Variants in NLRP5 observed in about 807,000 individuals in gnomAD.
The protein encoded by NLRP5 is NACHT, LRR and PYD domains-containing protein 5.
Under a neutral mutation model 113.1 loss-of-function variants are expected in NLRP5, and 93 were observed. That is an observed-to-expected ratio of 0.82 (90% CI 0.70 to 0.98). The LOEUF is 0.98. Ranked by LOEUF, NLRP5 falls within the 50% of genes least tolerant of loss-of-function variation. The pLI is 0.00. For missense variants in NLRP5, 1,808 were observed against 1,514.3 expected, an observed-to-expected ratio of 1.19 and a Z score of -3.22; for synonymous variants, 751 against 600.7, an observed-to-expected ratio of 1.25 and a Z score of -3.66.
At chr19:56,040,882 G>A in intron 10 of NLRP5, 40 bp from the exon 11 acceptor site, 1 of 1,554,872 alleles carries the variant, frequency 6.4e-7, no homozygotes, top group Admixed American at 1.8e-5. Context: ...ACTTTAAGAA[G>A]GCATCTCATC....
chr19:56,003,845 G>C lies in NLRP5; in HGVS notation c.192G>C (p.Gly64=), dbSNP rs1568480828. The C allele has an allele frequency of 6.2e-7, 1 of 1,613,934 alleles. No homozygotes were observed. Among genetic ancestry groups the C allele is most frequent in the East Asian group, 2.2e-5 (1 of 44,874 alleles). Reference sequence around the variant, plus strand: ...AATCGCTCACCTTTTCCAGCTACGGGCTGCAATGGTGTCTCTATGAGCTAG... The same window carrying C: ...AATCGCTCACCTTTTCCAGCTACGGCCTGCAATGGTGTCTCTATGAGCTAG... The change falls in exon 2 of 15, where the codon GGG becomes GGC. Residue 64 remains glycine, a synonymous_variant. Transcript: ENST00000390649.
intron 13 of NLRP5, among the ~76,000 whole-genome samples, chr19:56,054,765 C>T (rs77238796): frequency 0.09 from 13,690 of 151,860 alleles, 698 homozygotes; most frequent in East Asian, 0.21. Context: ...AGAAGGGGGG[C>T]AGCTGAATTG....
chr19:56,028,126 T>C lies in NLRP5; in HGVS notation c.1893T>C (p.Leu631=). The change falls in exon 7 of 15, where the codon CTT becomes CTC. Residue 631 remains leucine, a synonymous_variant. Coordinates refer to ENST00000390649, the MANE Select transcript of NLRP5 (RefSeq NM_153447.4). ...AGGCAGGCTTCCATATCCACTCGCT[T>C]TGGATGAAGCGTTTCTTGTTTGGCC... 1.2e-6 allele frequency: 2 copies of C among 1,614,016 alleles called. No homozygotes were observed. The highest frequency in any genetic ancestry group is 1.7e-6 in the Non-Finnish European group (2 of 1,179,876).
rs1009170911 is a variant in NLRP5, at chr19:55,999,759, G to A, written c.34G>A (p.Ala12Thr). Residue 12 changes from alanine (A) to threonine (T), a missense_variant, in exon 1 of 15, where the codon GCT becomes ACT. Physicochemically the swap from Ala to Thr is moderately conservative, Grantham distance 58 (BLOSUM62 0). Coordinates refer to ENST00000390649, the MANE Select transcript of NLRP5 (RefSeq NM_153447.4). ...TGCAGGAGGACTTGAACTTGGAGCT[G>A]CTGCTCTGCTCTCAGCATCACCACG... 1.9e-6 allele frequency: 3 copies of A among 1,613,418 alleles called. No homozygotes were observed. The highest frequency in any genetic ancestry group is 1.7e-5 in the Admixed American group (1 of 59,994).
In NLRP5 at chr19:56,029,625, AAC is replaced by A. The variant is rs527750274; in HGVS notation, c.2276+1121_2276+1122del. Among the ~76,000 whole-genome samples, 48 of 152,294 alleles carry A rather than the reference AAC, an allele frequency of 3.2e-4. No individual in the cohort carries two copies. The South Asian group carries it at 7.5e-3, about 24-fold the overall frequency. On this transcript the variant is annotated intron_variant, in intron 7 of 14. Coordinates refer to ENST00000390649, the MANE Select transcript of NLRP5 (RefSeq NM_153447.4). ...CTTGCTGAATAGTGCAGGTCTAGAA[AAC>A]ACACTTTGCTGGACTGTCTCAGTGT... is the stretch of plus-strand genomic sequence containing the variant.
At chr19:56,052,413 C>T (rs549704286) in intron 12 of NLRP5, among the ~76,000 whole-genome samples, 1 of 152,236 alleles carries the variant, frequency 6.6e-6, no homozygotes, top group South Asian at 2.1e-4. Context: ...GGATTACAGG[C>T]ACCTGCCACC....
At chr19:55,990,584 T>C in the NLRP5 span, among the ~76,000 whole-genome samples, 19 of 151,462 alleles carry the variant, frequency 1.3e-4, no homozygotes, top group African/African-American at 4.6e-4. Flanking sequence ...CCCAGCACTT[T>C]GGGAGGCCCA....
rs1418924718 is a variant in NLRP5 at position 56,013,595 on chromosome 19, G to GTTTTTTTTTTTTTTTTTTTTTTTTT, written c.509-2147_509-2146insTTTTTTTTTTTTTTTTTTTTTTTTT. Among the ~76,000 whole-genome samples, 5 of 30,984 alleles carry GTTTTTTTTTTTTTTTTTTTTTTTTT rather than the reference G, an allele frequency of 1.6e-4. 1 individual carries two copies. Among genetic ancestry groups the GTTTTTTTTTTTTTTTTTTTTTTTTT allele is most frequent in the Non-Finnish European group, 1.7e-4 (3 of 17,534 alleles). 20.3% of individuals were successfully genotyped at this position (30,984 alleles called of 152,430 possible). Reference sequence around the variant, plus strand: ...TCATTTATCACATGATGGACATTTGGGTTTTTTTTTTTTTTTTTTTTTGCT... The same window carrying GTTTTTTTTTTTTTTTTTTTTTTTTT: ...TCATTTATCACATGATGGACATTTGGTTTTTTTTTTTTTTTTTTTTTTTTTGTTTTTTTTTTTTTTTTTTTTTGCT... On this transcript the variant is annotated intron_variant, in intron 3 of 14. Transcript: ENST00000390649.
At chr19:56,013,777 T>C (rs986420887) in intron 3 of NLRP5, among the ~76,000 whole-genome samples, 1 of 151,938 alleles carries the variant, frequency 6.6e-6, no homozygotes, top group Admixed American at 6.6e-5. Context: ...CTTGAGTGAC[T>C]GCACCATTTT....
the NLRP5 span, among the ~76,000 whole-genome samples, chr19:55,992,239 T>C: frequency 6.6e-6 from 1 of 152,236 alleles, no homozygotes; most frequent in African/African-American, 2.4e-5. Flanking sequence ...ATGGTGTACG[T>C]GTACCACATT....
chr19:56,001,324 T>TA (rs751650915), intron 1 of NLRP5, among the ~76,000 whole-genome samples: 1,820 of 120,528 alleles, frequency 0.015, 42 homozygotes, highest in East Asian at 0.076. Flanking sequence ...CTCAGTCATT[T>TA]AAAAAAAAAA....
the NLRP5 span, among the ~76,000 whole-genome samples, chr19:55,990,558 G>A: frequency 2.0e-5 from 3 of 152,016 alleles, no homozygotes; most frequent in African/African-American, 7.2e-5. Flanking sequence ...CGGGCACGGT[G>A]GCTCATGCCT....
intron 12 of NLRP5, 58 bp from the exon 13 acceptor site, chr19:56,053,580 C>T (rs1599911973): frequency 6.7e-7 from 1 of 1,485,976 alleles, no homozygotes. Context: ...TGAACCTTCT[C>T]CCGCTGTTCC....
At chr19:55,990,079 CTTTTTTTTTTTTTT>C in the NLRP5 span, among the ~76,000 whole-genome samples, 2 of 95,954 alleles carry the variant, frequency 2.1e-5, no homozygotes, top group Non-Finnish European at 2.0e-5. Flanking sequence ...TTTCTTTTTT[CTTTTTTTTTTTTTT>C]TTTTTTTTTT....
At chr19:55,987,429 G>A in the NLRP5 span, among the ~76,000 whole-genome samples, 2 of 152,244 alleles carry the variant, frequency 1.3e-5, no homozygotes, top group Admixed American at 1.3e-4. Context: ...ATTAGCTAAT[G>A]TCTGGTCTGC....
chr19:56,030,698 C>T (rs1983063652), intron 7 of NLRP5, among the ~76,000 whole-genome samples: 1 of 109,712 alleles, frequency 9.1e-6, no homozygotes, highest in Non-Finnish European at 1.8e-5. Context: ...TACTTACATT[C>T]ATTCGCTTTC....
chr19:56,045,012 C>T (rs189491835), intron 11 of NLRP5, among the ~76,000 whole-genome samples: 19 of 152,226 alleles, frequency 1.2e-4, no homozygotes, highest in Middle Eastern at 3.4e-3. Flanking sequence ...TTTGATTCTC[C>T]GCTTGGTTGC....
At position 56,032,264 on chromosome 19, in the gene NLRP5, G is replaced by C. The variant is rs113926310; in HGVS notation, c.2277-347G>C. Among the ~76,000 whole-genome samples the C allele has an allele frequency of 4.5e-3, 675 of 151,456 alleles. 4 individuals are homozygous for C. The highest frequency in any genetic ancestry group is 0.016 in the African/African-American group (650 of 41,166). On this transcript the variant is annotated intron_variant, in intron 7 of 14. Coordinates refer to ENST00000390649, the MANE Select transcript of NLRP5 (RefSeq NM_153447.4). ...GGAGGCTGAGGCAGGAGAATCGCTC[G>C]AACCCAGGAGGCAGAAGTTGCAGTG...
intron 9 of NLRP5, among the ~76,000 whole-genome samples, chr19:56,035,292 G>A (rs1240780904): frequency 2.0e-5 from 3 of 152,232 alleles, no homozygotes; most frequent in African/African-American, 7.2e-5. Context: ...TAAGAAAGAA[G>A]AAGAATTTGC....
Sources: allele counts gnomAD v4.1 joint callset (sites outside exome capture counted in the v4.1 genomes callset), GRCh38; gene constraint gnomAD v4.1.1; transcripts MANE v1.5; gene names NCBI Gene and HGNC (gene_info 2026-07-23, HGNC 2026-07-21).